Variants in ZNF717 observed in about 807,000 individuals in gnomAD.
ZNF717 encodes krueppel-like factor X17.
Under a neutral mutation model 13.8 loss-of-function variants are expected in ZNF717, and 9 were observed. The observed-to-expected ratio is 0.65, with a 90% CI of 0.39 to 1.14. The LOEUF is 1.14. Among genes scored for constraint, ZNF717 ranks in the 50% most tolerant of loss-of-function variants. ZNF717 has a pLI of 0.01. For synonymous variants in ZNF717, 327 were observed against 364.1 expected (o/e 0.90, Z 1.16); for missense variants, 1,040 against 1,080.7 (o/e 0.96, Z 0.53).
intron 2 of ZNF717, among the ~76,000 whole-genome samples, chr3:75,768,887 G>C (rs1296853882): frequency 1.3e-5 from 2 of 152,190 alleles, no homozygotes; most frequent in Admixed American, 6.5e-5. Context: ...CTGTGGCTGA[G>C]TGTGTGGGTG....
At chr3:75,768,567 C>A (rs1943670442) in intron 2 of ZNF717, among the ~76,000 whole-genome samples, 1 of 145,724 alleles carries the variant, frequency 6.9e-6, no homozygotes, top group East Asian at 2.1e-4. Flanking sequence ...CAGACCACCA[C>A]AACCTCATTC....
At chr3:75,770,710 A>C (rs1380717323) in intron 2 of ZNF717, among the ~76,000 whole-genome samples, 1 of 152,194 alleles carries the variant, frequency 6.6e-6, no homozygotes, top group Non-Finnish European at 1.5e-5. Flanking sequence ...CACATAAGGG[A>C]AGAGAGGACG....
chr3:75,733,499 T>TCGG (rs1938776153), downstream of ZNF717, among the ~76,000 whole-genome samples: 1 of 139,890 alleles, frequency 7.1e-6, no homozygotes, highest in Non-Finnish European at 1.6e-5. Flanking sequence ...CACATTCAGG[T>TCGG]TGAGCTCGGT....
chr3:75,773,758 A>G (rs572128216), intron 2 of ZNF717, among the ~76,000 whole-genome samples: 2 of 72,694 alleles, frequency 2.8e-5, no homozygotes, highest in Admixed American at 1.5e-4. Context: ...TATCTTTAAC[A>G]AAAAAAAATG....
intron 2 of ZNF717, among the ~76,000 whole-genome samples, chr3:75,750,882 T>G (rs1249636952): frequency 6.7e-6 from 1 of 150,018 alleles, no homozygotes; most frequent in African/African-American, 2.5e-5. Context: ...GTCTGAACGT[T>G]TGTCCCTCTC....
chr3:75,733,818 G>A (rs1443976661), downstream of ZNF717, among the ~76,000 whole-genome samples: 3 of 110,594 alleles, frequency 2.7e-5, no homozygotes, highest in African/African-American at 1.1e-4. Context: ...CAACATCTCA[G>A]AACCATGAAA....
At chr3:75,739,886 T>A (rs1940145010) in intron 4 of ZNF717, among the ~76,000 whole-genome samples, 1 of 152,246 alleles carries the variant, frequency 6.6e-6, no homozygotes, top group South Asian at 2.1e-4. Flanking sequence ...AATGGTTAAA[T>A]GTGTCTGGAG....
intron 5 of ZNF717, among the ~76,000 whole-genome samples, chr3:75,714,631 C>T (rs1938010432): frequency 6.6e-6 from 1 of 152,022 alleles, no homozygotes; most frequent in Non-Finnish European, 1.5e-5. Flanking sequence ...TTGCCGCCCA[C>T]ATAATAACAG....
chr3:75,750,316 T>TCA, intron 2 of ZNF717, among the ~76,000 whole-genome samples: 1 of 149,472 alleles, frequency 6.7e-6, no homozygotes, highest in Non-Finnish European at 1.5e-5. Flanking sequence ...TGTTTGTCCC[T>TCA]CACATAGGAT....
rs76108110 is a variant in ZNF717, at chr3:75,736,106, C to G, written c.*772G>C. On this transcript the variant is annotated 3_prime_UTR_variant, in exon 5 of 5. Transcript: ENST00000652011. ...TTACTAATGGAATTGTCTCAGCGTG[C>G]TGGAACTCTATGGAAGATAGCAAAC... 1.1e-4 allele frequency: 17 copies of G among 152,348 alleles called. No homozygotes were observed. Among genetic ancestry groups the G allele is most frequent in the Admixed American group, 1.1e-3 (17 of 15,306 alleles). The allele number at this position is 152,348 out of a possible 1,614,324, so 9.4% of individuals were successfully genotyped here. A position where few individuals can be genotyped will look rare whatever the true frequency, so the allele number is the denominator to read the frequency against.
At chr3:75,742,271 T>A (rs34045624) in intron 2 of ZNF717, among the ~76,000 whole-genome samples, 39,852 of 145,972 alleles carry the variant, frequency 0.27, 2,304 homozygotes, top group Non-Finnish European at 0.35. Context: ...GTGCAGTGAG[T>A]TATGATCACA....
chr3:75,733,866 G>C (rs1237432832), downstream of ZNF717, among the ~76,000 whole-genome samples: 2 of 118,748 alleles, frequency 1.7e-5, no homozygotes, highest in Non-Finnish European at 3.5e-5. Flanking sequence ...AACATGCTGA[G>C]AGGAAAAAAA....
At chr3:75,708,004 G>T (rs2106829031), downstream of ZNF717, among the ~76,000 whole-genome samples, 1 of 148,252 alleles carries the variant, frequency 6.7e-6, no homozygotes, top group African/African-American at 2.5e-5. Flanking sequence ...GCCTGCCTCT[G>T]TAGGCTCCAC....
intron 2 of ZNF717, among the ~76,000 whole-genome samples, chr3:75,759,095 C>T (rs1471535960): frequency 2.0e-5 from 3 of 152,188 alleles, no homozygotes; most frequent in Admixed American, 1.3e-4. Flanking sequence ...CTGTTGCACA[C>T]TTTATACAGC....
chr3:75,746,709 G>A (rs1216034518), intron 2 of ZNF717, among the ~76,000 whole-genome samples: 4 of 152,168 alleles, frequency 2.6e-5, no homozygotes, highest in East Asian at 1.9e-4. Context: ...CATATCCTTC[G>A]CCCACTTGTT....
chr3:75,771,372 CTG>C (rs777635943), intron 2 of ZNF717, among the ~76,000 whole-genome samples: 23 of 152,220 alleles, frequency 1.5e-4, no homozygotes, highest in African/African-American at 5.1e-4. Flanking sequence ...ACTGAATCTG[CTG>C]TGATTCTGGG....
intron 2 of ZNF717, among the ~76,000 whole-genome samples, chr3:75,760,495 G>GAAA (rs1448470725): frequency 6.6e-6 from 1 of 151,084 alleles, no homozygotes; most frequent in African/African-American, 2.5e-5. Context: ...TTAGGCAAAT[G>GAAA]AAAACAAAAT....
chr3:75,711,529 C>G (rs1303975167), intron 5 of ZNF717, among the ~76,000 whole-genome samples: 2 of 152,318 alleles, frequency 1.3e-5, no homozygotes, highest in Non-Finnish European at 2.9e-5. Context: ...GGCACAGTGG[C>G]TCACATCTGC....
In ZNF717 at chr3:75,748,611, G is replaced by A. The variant is rs1260786557; in HGVS notation, c.58-6875C>T. Among the ~76,000 whole-genome samples the A allele has an allele frequency of 3.9e-5, 6 of 152,202 alleles. No homozygotes were observed. In the South Asian group the frequency reaches 6.2e-4, roughly 16 times the overall value. ...AAACTGCATGATTATCTGAATACAC[G>A]CAGAAAAGGCCTTCAACAAAATTCA... On this transcript the variant is annotated intron_variant, in intron 2 of 4. Transcript: ENST00000652011.
Sources: gnomAD v4.1 joint callset for allele counts (sites outside exome capture counted in the v4.1 genomes callset) on GRCh38, gnomAD v4.1.1 for gene constraint, MANE v1.5 for transcripts, NCBI Gene and HGNC (gene_info 2026-07-23, HGNC 2026-07-21) for gene names.